The following KIAA1328 variants were observed in gnomAD, a reference collection of about 807,000 sequenced individuals.
KIAA1328 encodes the protein KIAA1328.
A neutral mutation model predicts 68.1 loss-of-function variants in KIAA1328; 52 were observed. That is an observed-to-expected ratio of 0.76 (90% CI 0.61 to 0.96). The LOEUF is 0.96. KIAA1328 is among the 40% of genes least tolerant of loss of function. The pLI, the probability that KIAA1328 is intolerant of heterozygous loss-of-function variation, is 0.00. For missense variants in KIAA1328, 641 were observed against 677.6 expected, an observed-to-expected ratio of 0.95 and a Z score of 0.60; for synonymous variants, 232 against 239.4, an observed-to-expected ratio of 0.97 and a Z score of 0.28.
intron 4 of KIAA1328, among the ~76,000 whole-genome samples, chr18:36,883,220 A>G (rs948949367): frequency 1.3e-5 from 2 of 152,194 alleles, no homozygotes; most frequent in Non-Finnish European, 2.9e-5. Context: ...TATCCCTAAT[A>G]CAAACATTCG....
chr18:37,189,296 A>G (rs1040606041), intron 9 of KIAA1328, among the ~76,000 whole-genome samples: 5 of 152,104 alleles, frequency 3.3e-5, no homozygotes, highest in African/African-American at 1.2e-4. Flanking sequence ...AGGGAAAGCT[A>G]TCAGTATAAG....
intron 7 of KIAA1328, among the ~76,000 whole-genome samples, chr18:37,097,298 C>T (rs1192032518): frequency 6.6e-6 from 1 of 152,178 alleles, no homozygotes; most frequent in Non-Finnish European, 1.5e-5. Context: ...ATATGGCTAG[C>T]CAGTTTTCCC....
intron 4 of KIAA1328, among the ~76,000 whole-genome samples, chr18:36,853,025 A>G (rs1849967697): frequency 6.6e-6 from 1 of 152,146 alleles, no homozygotes. Context: ...TTCTTGAGGA[A>G]TTGACTCTCT....
At chr18:36,892,468 GC>G (rs2048722843) in intron 5 of KIAA1328, among the ~76,000 whole-genome samples, 1 of 151,980 alleles carries the variant, frequency 6.6e-6, no homozygotes, top group African/African-American at 2.4e-5. Context: ...ATGAATCTTG[GC>G]CTTTTTGTTT....
intron 4 of KIAA1328, among the ~76,000 whole-genome samples, chr18:36,884,293 A>G (rs892849082): frequency 1.3e-5 from 2 of 151,948 alleles, no homozygotes; most frequent in African/African-American, 4.8e-5. Context: ...AGTCTTTGAG[A>G]TTACCCTCTT....
At chr18:37,082,025 C>A (rs1383588931) in intron 7 of KIAA1328, among the ~76,000 whole-genome samples, 1 of 152,096 alleles carries the variant, frequency 6.6e-6, no homozygotes, top group East Asian at 1.9e-4. Flanking sequence ...CTACTCTGCA[C>A]AAAACTCTAT....
intron 5 of KIAA1328, among the ~76,000 whole-genome samples, chr18:36,939,190 G>A (rs2050616537): frequency 6.6e-6 from 1 of 152,090 alleles, no homozygotes; most frequent in Non-Finnish European, 1.5e-5. Flanking sequence ...TGGGTAGTAT[G>A]AACATTTTAA....
intron 5 of KIAA1328, among the ~76,000 whole-genome samples, chr18:36,891,822 C>T (rs1018713643): frequency 6.6e-5 from 10 of 151,982 alleles, no homozygotes; most frequent in African/African-American, 2.4e-4. Context: ...GGGTGGATAC[C>T]CAGTAGTGGG....
chr18:36,989,126 T>A (rs1429452323), intron 6 of KIAA1328, among the ~76,000 whole-genome samples: 3 of 152,204 alleles, frequency 2.0e-5, no homozygotes, highest in Non-Finnish European at 2.9e-5. Context: ...CTTTTATGCC[T>A]ACGACATTCA....
At chr18:37,176,059 T>C (rs1485939570) in intron 9 of KIAA1328, among the ~76,000 whole-genome samples, 3 of 152,184 alleles carry the variant, frequency 2.0e-5, no homozygotes, top group Admixed American at 1.3e-4. Context: ...TTATGTAAAA[T>C]TTTCATTCCC....
At chr18:37,143,550 T>G (rs2058827334) in intron 7 of KIAA1328, among the ~76,000 whole-genome samples, 1 of 149,510 alleles carries the variant, frequency 6.7e-6, no homozygotes, top group Non-Finnish European at 1.5e-5. Context: ...TTTTGCTTAT[T>G]TTATTGTCTA....
intron 6 of KIAA1328, among the ~76,000 whole-genome samples, chr18:36,964,150 A>G (rs2051817062): frequency 6.6e-6 from 1 of 152,206 alleles, no homozygotes; most frequent in Non-Finnish European, 1.5e-5. Flanking sequence ...TGAGATAACT[A>G]AAATGGTTAA....
downstream of KIAA1328, among the ~76,000 whole-genome samples, chr18:37,226,280 ATT>A (rs796209515): frequency 6.8e-6 from 1 of 146,604 alleles, no homozygotes; most frequent in Non-Finnish European, 1.5e-5. Context: ...CCCTTTTTAA[ATT>A]TTTTTTTTTT....
intron 5 of KIAA1328, chr18:36,954,470 A>G (rs1235962937): frequency 6.6e-6 from 1 of 152,126 alleles, no homozygotes; most frequent in African/African-American, 2.4e-5. Flanking sequence ...TGACCACCAG[A>G]TTGTACCATT....
chr18:37,156,452 A>G (rs1297823237), intron 7 of KIAA1328, among the ~76,000 whole-genome samples: 1 of 144,840 alleles, frequency 6.9e-6, no homozygotes, highest in African/African-American at 2.6e-5. Flanking sequence ...AAAAAAAAAA[A>G]GAATGGGAAC....
chr18:36,924,794 A>G (rs2050053112), intron 5 of KIAA1328: 1 of 152,102 alleles, frequency 6.6e-6, no homozygotes, highest in Non-Finnish European at 1.5e-5. Flanking sequence ...TAACTAGAGA[A>G]AAAAAAATAA....
At position 37,223,065 on chromosome 18, in the gene KIAA1328, C is replaced by G; in HGVS notation, c.*838C>G. 2 of 834,878 alleles carry G rather than the reference C, an allele frequency of 2.4e-6. No individual in the cohort carries two copies. The highest frequency in any genetic ancestry group is 2.9e-6 in the Non-Finnish European group (2 of 699,918). 51.7% of individuals were successfully genotyped at this position (834,878 alleles called of 1,614,324 possible). The stretch of plus-strand genomic sequence containing the variant: ...CTTATTCACCCCACCCCCCCACCCC[C>G]CATCACACGTGCTCCTGTGAACTTT... On this transcript the variant is annotated 3_prime_UTR_variant, in exon 10 of 10. Transcript: ENST00000280020.
downstream of KIAA1328, among the ~76,000 whole-genome samples, chr18:37,227,399 AGAG>A (rs1284308108): frequency 3.3e-5 from 5 of 152,250 alleles, no homozygotes; most frequent in South Asian, 2.1e-4. Flanking sequence ...CCGTAACTAG[AGAG>A]GAGAAGTCAA....
At chr18:37,056,815 T>C (rs1037077187) in intron 6 of KIAA1328, among the ~76,000 whole-genome samples, 2 of 152,086 alleles carry the variant, frequency 1.3e-5, no homozygotes, top group African/African-American at 4.8e-5. Context: ...CATGCCTGGC[T>C]AATTTTCAGT....
Sources: gnomAD v4.1 joint callset for allele counts (sites outside exome capture counted in the v4.1 genomes callset) on GRCh38, gnomAD v4.1.1 for gene constraint, MANE v1.5 for transcripts, NCBI Gene and HGNC (gene_info 2026-07-23, HGNC 2026-07-21) for gene names.